Variants in CDH12 observed in about 807,000 individuals in gnomAD.
CDH12 encodes cadherin 12.
CDH12 carries 41 observed loss-of-function variants against 74.1 expected under a neutral mutation model. That is an observed-to-expected ratio of 0.55 (90% CI 0.43 to 0.72). The LOEUF (loss-of-function observed/expected upper bound fraction) is 0.72, where lower values mean the gene tolerates loss of function less well. CDH12 is among the 30% of genes least tolerant of loss of function. The probability of loss-of-function intolerance (pLI) is 0.00; values close to 1 mark genes in which losing one functional copy is unlikely to be tolerated. For synonymous variants in CDH12, 399 were observed against 355.0 expected (o/e 1.12, Z -1.39); for missense variants, 945 against 977.2 (o/e 0.97, Z 0.44).
At chr5:22,164,548 C>G (rs1450424591) in intron 4 of CDH12, among the ~76,000 whole-genome samples, 2 of 152,100 alleles carry the variant, frequency 1.3e-5, no homozygotes, top group African/African-American at 4.8e-5. Context: ...AAACACGGAC[C>G]AGAAGAGTGC....
intron 3 of CDH12, among the ~76,000 whole-genome samples, chr5:22,302,611 A>G (rs1316060773): frequency 6.6e-6 from 1 of 152,182 alleles, no homozygotes; most frequent in Non-Finnish European, 1.5e-5. Flanking sequence ...CTACATAGAT[A>G]TTCAAGTCAT....
chr5:21,889,347 C>T lies in CDH12; in HGVS notation c.527-34557G>A, dbSNP rs1170880867. ...GAGAAGGGAGATGTGGTATCTGGCTCACTGCAGGGGGATTATTACAATTCA... is the reference window on the plus strand; with the variant it reads ...GAGAAGGGAGATGTGGTATCTGGCTTACTGCAGGGGGATTATTACAATTCA... On this transcript the variant is annotated intron_variant, in intron 6 of 14. Transcript: ENST00000382254. Among the ~76,000 whole-genome samples the T allele has an allele frequency of 2.6e-5, 4 of 152,224 alleles. No homozygotes were observed. In the East Asian group the frequency reaches 7.7e-4, roughly 29 times the overall value.
chr5:22,171,136 C>A (rs1435169626), intron 4 of CDH12, among the ~76,000 whole-genome samples: 7 of 151,842 alleles, frequency 4.6e-5, no homozygotes, highest in Admixed American at 2.0e-4. Context: ...GCATCATTGA[C>A]AAGGAATCAG....
chr5:22,428,241 C>T (rs1744025000), intron 2 of CDH12, among the ~76,000 whole-genome samples: 1 of 151,444 alleles, frequency 6.6e-6, no homozygotes, highest in Admixed American at 6.6e-5. Flanking sequence ...AATCTATGTG[C>T]ATATATTTGT....
intron 1 of CDH12, among the ~76,000 whole-genome samples, chr5:22,610,461 G>A (rs948996106): frequency 6.6e-6 from 1 of 152,116 alleles, no homozygotes. Context: ...TTCTGCAGAT[G>A]TAGGATAATG....
At chr5:22,816,631 T>G (rs1749406471) in intron 1 of CDH12, among the ~76,000 whole-genome samples, 1 of 152,154 alleles carries the variant, frequency 6.6e-6, no homozygotes, top group African/African-American at 2.4e-5. Context: ...ATATTAAGTT[T>G]CCAACCACTT....
At position 21,854,665 on chromosome 5, in the gene CDH12, A is replaced by G. The variant is rs540814018; in HGVS notation, c.646+6T>C. On this transcript the variant is annotated splice_donor_region_variant and intron_variant, in intron 7 of 14. Coordinates refer to ENST00000382254, the MANE Select transcript of CDH12 (RefSeq NM_004061.5). ...GTGATAATGTTGCCTCTAATAAAAA[A>G]TTTACCTGTCTTGGGATCAATAGAG... 13 of 1,439,686 alleles carry G rather than the reference A, an allele frequency of 9.0e-6. No homozygotes were observed. In the South Asian group the frequency reaches 1.4e-4, roughly 16 times the overall value. The allele number at this position is 1,439,686 out of a possible 1,614,324, so 89.2% of individuals were successfully genotyped here.
intron 6 of CDH12, among the ~76,000 whole-genome samples, chr5:21,940,571 T>G (rs1755285033): frequency 6.6e-6 from 1 of 152,174 alleles, no homozygotes; most frequent in African/African-American, 2.4e-5. Context: ...AACACACATA[T>G]GGACTTGAGA....
At chr5:22,030,029 C>T (rs552517582) in intron 5 of CDH12, among the ~76,000 whole-genome samples, 22 of 149,706 alleles carry the variant, frequency 1.5e-4, no homozygotes, top group Admixed American at 4.0e-4. Context: ...AACCAAACAC[C>T]GCATGTTCTC....
chr5:22,578,807 G>T (rs1044682116), intron 1 of CDH12, among the ~76,000 whole-genome samples: 2 of 152,004 alleles, frequency 1.3e-5, no homozygotes, highest in Admixed American at 6.6e-5. Context: ...AAATTAAACT[G>T]CTATTTAACT....
intron 1 of CDH12, among the ~76,000 whole-genome samples, chr5:22,680,333 C>G (rs925382010): frequency 5.3e-5 from 8 of 152,050 alleles, no homozygotes; most frequent in Non-Finnish European, 1.2e-4. Flanking sequence ...AGCTTACTGA[C>G]TCAGGGAGTG....
At chr5:21,822,604 T>A (rs1234640123) in intron 8 of CDH12, among the ~76,000 whole-genome samples, 1 of 152,032 alleles carries the variant, frequency 6.6e-6, no homozygotes, top group Non-Finnish European at 1.5e-5. Context: ...ATACTAAACA[T>A]ACAGTGAATG....
intron 1 of CDH12, among the ~76,000 whole-genome samples, chr5:22,695,015 G>A (rs890899914): frequency 2.0e-5 from 3 of 151,900 alleles, no homozygotes; most frequent in Admixed American, 6.6e-5. Flanking sequence ...GACGGTCCTG[G>A]TGTGTGATGT....
intron 10 of CDH12, among the ~76,000 whole-genome samples, chr5:21,795,338 T>C (rs1489215000): frequency 6.6e-6 from 1 of 151,840 alleles, no homozygotes; most frequent in Non-Finnish European, 1.5e-5. Context: ...TCTAGATTTA[T>C]AAAGGAAGTA....
chr5:21,782,606 C>A (rs990269620), intron 11 of CDH12, among the ~76,000 whole-genome samples: 1 of 152,106 alleles, frequency 6.6e-6, no homozygotes, highest in Non-Finnish European at 1.5e-5. Context: ...TTTTTCCAAA[C>A]GTTTCAAGAG....
At chr5:22,653,203 TACCTGGGTC>T (rs994510037) in intron 1 of CDH12, among the ~76,000 whole-genome samples, 3 of 152,164 alleles carry the variant, frequency 2.0e-5, no homozygotes, top group African/African-American at 7.2e-5. Context: ...ATACATTTAT[TACCTGGGTC>T]ACCTTGCCCA....
intron 1 of CDH12, among the ~76,000 whole-genome samples, chr5:22,847,708 AT>A (rs2126535606): frequency 6.6e-6 from 1 of 152,254 alleles, no homozygotes; most frequent in East Asian, 1.9e-4. Flanking sequence ...AAATTATATG[AT>A]TTTTAAAAAA....
At chr5:22,826,283 T>C (rs183675088) in intron 1 of CDH12, among the ~76,000 whole-genome samples, 18 of 152,290 alleles carry the variant, frequency 1.2e-4, no homozygotes, top group African/African-American at 3.8e-4. Flanking sequence ...TCATGTAAGA[T>C]GTGACTTGCT....
intron 1 of CDH12, among the ~76,000 whole-genome samples, chr5:22,598,024 C>T (rs192659308): frequency 6.6e-6 from 1 of 152,250 alleles, no homozygotes; most frequent in East Asian, 1.9e-4. Context: ...AATCAGTTGA[C>T]TCATTTTAGC....
Sources: allele counts gnomAD v4.1 joint callset (sites outside exome capture counted in the v4.1 genomes callset), GRCh38; gene constraint gnomAD v4.1.1; transcripts MANE v1.5; gene names NCBI Gene and HGNC (gene_info 2026-07-23, HGNC 2026-07-21).